Variants in ARID3A observed in about 807,000 individuals in gnomAD.
ARID3A encodes AT-rich interactive domain-containing protein 3A.
ARID3A carries 11 observed loss-of-function variants against 52.7 expected under a neutral mutation model. That is an observed-to-expected ratio of 0.21 (90% CI 0.13 to 0.35). The LOEUF (loss-of-function observed/expected upper bound fraction) is 0.35, where lower values mean the gene tolerates loss of function less well. Ranked by LOEUF, ARID3A falls within the 10% of genes least tolerant of loss-of-function variation. ARID3A has a pLI of 1.00. For missense variants in ARID3A, 721 were observed against 838.5 expected (o/e 0.86, Z 1.73); for synonymous variants, 404 against 359.4 (o/e 1.12, Z -1.40).
chr19:946,132 G>A (rs939948286), intron 3 of ARID3A, among the ~76,000 whole-genome samples: 1 of 152,202 alleles, frequency 6.6e-6, no homozygotes, highest in Admixed American at 6.5e-5. Flanking sequence ...CTGGGGGGCG[G>A]GGACCCTGTA....
chr19:927,811 C>T (rs1042062139), intron 1 of ARID3A, among the ~76,000 whole-genome samples: 1 of 152,122 alleles, frequency 6.6e-6, no homozygotes, highest in Non-Finnish European at 1.5e-5. Context: ...TCTTTGTGAC[C>T]TGGGACCTCT....
chr19:969,548 A>C (rs528779795), intron 8 of ARID3A, among the ~76,000 whole-genome samples: 3 of 151,702 alleles, frequency 2.0e-5, no homozygotes, highest in Non-Finnish European at 2.9e-5. Flanking sequence ...CTCTCTCTCT[A>C]TATATCTATA....
chr19:940,371 G>A (rs537312708), intron 3 of ARID3A, among the ~76,000 whole-genome samples: 6 of 152,172 alleles, frequency 3.9e-5, no homozygotes, highest in South Asian at 4.2e-4. Flanking sequence ...ATTTACAGCC[G>A]TCCTGGGCCG....
intron 2 of ARID3A, among the ~76,000 whole-genome samples, chr19:930,850 C>G (rs1057140155): frequency 6.6e-6 from 1 of 152,026 alleles, no homozygotes; most frequent in African/African-American, 2.4e-5. Context: ...ACCTAGCCAC[C>G]GATGGCTACA....
At chr19:945,896 C>T (rs2037668603) in intron 3 of ARID3A, among the ~76,000 whole-genome samples, 1 of 152,234 alleles carries the variant, frequency 6.6e-6, no homozygotes, top group South Asian at 2.1e-4. Context: ...CAAATGGACA[C>T]TCCTGCTGGG....
In ARID3A at chr19:972,251, G is replaced by T. The variant is rs1346800039; in HGVS notation, c.*186G>T. ...TATATATATATATATATATATACAC[G>T]TATATATATAAAGAGAATTTAATAA... On this transcript the variant is annotated 3_prime_UTR_variant, in exon 9 of 9. Transcript: ENST00000263620. 5.5e-6 allele frequency: 1 copy of T among 181,916 alleles called. No individual in the cohort carries two copies. Among genetic ancestry groups the T allele is most frequent in the Non-Finnish European group, 1.0e-5 (1 of 95,306 alleles). 11.3% of individuals were successfully genotyped at this position (181,916 alleles called of 1,614,324 possible). A position where few individuals can be genotyped will look rare whatever the true frequency, so the allele number is the denominator to read the frequency against.
intron 3 of ARID3A, among the ~76,000 whole-genome samples, chr19:939,533 G>C (rs1012338098): frequency 6.6e-6 from 1 of 152,132 alleles, no homozygotes; most frequent in Non-Finnish European, 1.5e-5. Flanking sequence ...GGCATGAGCC[G>C]CATGTTCTCC....
intron 3 of ARID3A, among the ~76,000 whole-genome samples, chr19:946,519 C>A (rs944130745): frequency 1.4e-5 from 2 of 148,074 alleles, no homozygotes; most frequent in African/African-American, 5.0e-5. Flanking sequence ...TGGCTCACTG[C>A]AAGCTCCGCC....
chr19:937,230 C>T (rs2037456126), intron 3 of ARID3A, among the ~76,000 whole-genome samples: 1 of 152,218 alleles, frequency 6.6e-6, no homozygotes, highest in Admixed American at 6.5e-5. Context: ...CGCCACTGCA[C>T]TCCAGCCTGG....
At position 929,362 on chromosome 19, in the gene ARID3A, G is replaced by A. The variant is rs1427250653; in HGVS notation, c.-167G>A. On this transcript the variant is annotated 5_prime_UTR_variant, in exon 2 of 9. Coordinates refer to ENST00000263620, the MANE Select transcript of ARID3A (RefSeq NM_005224.3). The surrounding 1 kb of genome is among the most constrained non-coding windows in gnomAD (Gnocchi z 6.2). Reference sequence around the variant, plus strand: ...CATCAGCCTTCAGCTTGAGCCCGGCGGCCCCCGCCCCCGCCCCCTGCCACC... The same window carrying A: ...CATCAGCCTTCAGCTTGAGCCCGGCAGCCCCCGCCCCCGCCCCCTGCCACC... The A allele has an allele frequency of 2.1e-5, 7 of 336,304 alleles. No individual in the cohort carries two copies. Among genetic ancestry groups the A allele is most frequent in the Admixed American group, 5.9e-5 (1 of 17,008 alleles). 20.8% of individuals were successfully genotyped at this position (336,304 alleles called of 1,614,324 possible). A position where few individuals can be genotyped will look rare whatever the true frequency, so the allele number is the denominator to read the frequency against.
intron 3 of ARID3A, among the ~76,000 whole-genome samples, chr19:948,535 G>A (rs1483829949): frequency 6.6e-6 from 1 of 151,622 alleles, no homozygotes; most frequent in African/African-American, 2.4e-5. Context: ...ACTGGGGCGC[G>A]AGACTCCAGG....
rs1468566069 is a variant in ARID3A, at chr19:973,495, G to C, written c.*1430G>C. On this transcript the variant is annotated 3_prime_UTR_variant, in exon 9 of 9. Transcript: ENST00000263620. ...GGGGTGGTTCTTGTCGAAGCCCCCAGGCTCCTGTCTCAGGGATGAATGTGG... is the reference window on the plus strand; with the variant it reads ...GGGGTGGTTCTTGTCGAAGCCCCCACGCTCCTGTCTCAGGGATGAATGTGG... The C allele has an allele frequency of 9.2e-6, 2 of 217,574 alleles. No individual in the cohort carries two copies. The highest frequency in any genetic ancestry group is 4.5e-5 in the African/African-American group (2 of 44,360). The allele number at this position is 217,574 out of a possible 1,614,324, so 13.5% of individuals were successfully genotyped here.
At chr19:948,453 G>A (rs1452394526) in intron 3 of ARID3A, among the ~76,000 whole-genome samples, 1 of 152,094 alleles carries the variant, frequency 6.6e-6, no homozygotes, top group East Asian at 1.9e-4. Flanking sequence ...GGGCCACAGC[G>A]CCAGCTTCCG....
In ARID3A at chr19:941,704, G is replaced by A. The variant is rs962895306; in HGVS notation, c.693+8962G>A. Reference sequence around the variant, plus strand: ...TGGGCTCAAGTGATCCTCCCGCCTCGGTCTCTGAAAGTGCTGGGATTACAG... The same window carrying A: ...TGGGCTCAAGTGATCCTCCCGCCTCAGTCTCTGAAAGTGCTGGGATTACAG... On this transcript the variant is annotated intron_variant, in intron 3 of 8. Coordinates refer to ENST00000263620, the MANE Select transcript of ARID3A (RefSeq NM_005224.3). This position sits in a 1 kb window ranked among gnomAD's most constrained non-coding sequence, Gnocchi z 6.9. Among the ~76,000 whole-genome samples the A allele has an allele frequency of 6.6e-5, 10 of 151,922 alleles. No individual in the cohort carries two copies. Among genetic ancestry groups the A allele is most frequent in the Non-Finnish European group, 1.3e-4 (9 of 67,988 alleles).
In ARID3A at chr19:973,104, A is replaced by ATGTTTTTTTTTTTTTTTTTTTTTT. The variant is rs775338115; in HGVS notation, c.*1040_*1041insGTTTTTTTTTTTTTTTTTTTTTTT. 1 of 53,488 alleles carries ATGTTTTTTTTTTTTTTTTTTTTTT rather than the reference A, an allele frequency of 1.9e-5. No individual in the cohort carries two copies. Among genetic ancestry groups the ATGTTTTTTTTTTTTTTTTTTTTTT allele is most frequent in the Non-Finnish European group, 3.4e-5 (1 of 29,006 alleles). 3.3% of individuals were successfully genotyped at this position (53,488 alleles called of 1,614,324 possible). A position where few individuals can be genotyped will look rare whatever the true frequency, so the allele number is the denominator to read the frequency against. On this transcript the variant is annotated 3_prime_UTR_variant, in exon 9 of 9. Transcript: ENST00000263620. ...GGGCTCTCGAGTCAGGGGCCTGGAA[A>ATGTTTTTTTTTTTTTTTTTTTTTT]TTTTTTTTTTTTTTTTTTTTTGAGA...
chr19:972,067 C>T lies in ARID3A; in HGVS notation c.*2C>T, dbSNP rs753037429. The T allele has an allele frequency of 1.6e-5, 25 of 1,528,830 alleles. No individual in the cohort carries two copies. Among genetic ancestry groups the T allele is most frequent in the Middle Eastern group, 1.8e-4 (1 of 5,504 alleles). 94.7% of individuals were successfully genotyped at this position (1,528,830 alleles called of 1,614,324 possible). On this transcript the variant is annotated 3_prime_UTR_variant, in exon 9 of 9. Coordinates refer to ENST00000263620, the MANE Select transcript of ARID3A (RefSeq NM_005224.3). The stretch of plus-strand genomic sequence containing the variant: ...ACCTCAAATAACTCGTTGCCTTAAC[C>T]GCATCACTCCCCACCCGCCACCCAC...
intron 1 of ARID3A, among the ~76,000 whole-genome samples, chr19:927,130 A>G (rs2037217310): frequency 6.6e-6 from 1 of 151,084 alleles, no homozygotes; most frequent in South Asian, 2.1e-4. Context: ...TTAAATAACC[A>G]TGTTTTGCAA....
chr19:969,726 C>T (rs2038237929), intron 8 of ARID3A, among the ~76,000 whole-genome samples: 1 of 149,344 alleles, frequency 6.7e-6, no homozygotes, highest in Admixed American at 6.7e-5. Context: ...TTCCCTCTGT[C>T]ACCCAGGCTG....
chr19:927,245 CG>C (rs1473412794), intron 1 of ARID3A, among the ~76,000 whole-genome samples: 1 of 152,164 alleles, frequency 6.6e-6, no homozygotes, highest in Non-Finnish European at 1.5e-5. Flanking sequence ...GACCACCCAG[CG>C]CCCCGTCCCA....
Sources: allele counts gnomAD v4.1 joint callset (sites outside exome capture counted in the v4.1 genomes callset), GRCh38; gene constraint gnomAD v4.1.1; non-coding constraint Gnocchi (gnomAD v3.1); transcripts MANE v1.5; gene names NCBI Gene and HGNC (gene_info 2026-07-23, HGNC 2026-07-21).